Variants in RAPGEF5 observed in about 807,000 individuals in gnomAD.
RAPGEF5 encodes M-Ras-regulated GEF.
Under a neutral mutation model 125.2 loss-of-function variants are expected in RAPGEF5, and 65 were observed. The observed-to-expected ratio is 0.52, with a 90% confidence interval of 0.43 to 0.64. The LOEUF is 0.64. Among genes scored for constraint, RAPGEF5 ranks in the 30% least tolerant of loss-of-function variants. The probability of loss-of-function intolerance (pLI) is 0.00; values close to 1 mark genes in which losing one functional copy is unlikely to be tolerated. For missense variants in RAPGEF5, 958 were observed against 1,048.1 expected, an observed-to-expected ratio of 0.91 and a Z score of 1.19; for synonymous variants, 391 against 385.9, an observed-to-expected ratio of 1.01 and a Z score of -0.16.
intron 11 of RAPGEF5, among the ~76,000 whole-genome samples, chr7:22,189,339 T>G (rs1409819217): frequency 6.6e-6 from 1 of 152,154 alleles, no homozygotes; most frequent in Non-Finnish European, 1.5e-5. Flanking sequence ...CCCCCTGCTT[T>G]GAAACAGAAA....
intron 18 of RAPGEF5, among the ~76,000 whole-genome samples, chr7:22,148,674 C>A (rs931263682): frequency 6.6e-6 from 1 of 152,124 alleles, no homozygotes; most frequent in Non-Finnish European, 1.5e-5. Flanking sequence ...TTTCACAGCA[C>A]CTATTTATTC....
intron 19 of RAPGEF5, among the ~76,000 whole-genome samples, chr7:22,146,238 C>T (rs978661167): frequency 1.2e-4 from 19 of 152,264 alleles, no homozygotes; most frequent in Middle Eastern, 3.4e-3. Flanking sequence ...CACTACATGG[C>T]GAAGCAAATG....
At chr7:22,125,487 G>T in intron 25 of RAPGEF5, 117 bp downstream of exon 25, 1 of 927,348 alleles carries the variant, frequency 1.1e-6, no homozygotes, top group Non-Finnish European at 1.8e-6. Context: ...ATATGCGTAT[G>T]TATATACATA....
At chr7:22,266,139 C>T (rs2128141631) in intron 7 of RAPGEF5, among the ~76,000 whole-genome samples, 1 of 152,288 alleles carries the variant, frequency 6.6e-6, no homozygotes, top group South Asian at 2.1e-4. Flanking sequence ...GTTTGTGTTG[C>T]TGAGACATTT....
chr7:22,286,888 G>C (rs1349963385), intron 6 of RAPGEF5, among the ~76,000 whole-genome samples: 1 of 152,232 alleles, frequency 6.6e-6, no homozygotes, highest in African/African-American at 2.4e-5. Context: ...GGTGGAAACT[G>C]ATGAGCTGTG....
intron 25 of RAPGEF5, among the ~76,000 whole-genome samples, chr7:22,124,168 C>T (rs1318438682): frequency 6.6e-6 from 1 of 152,186 alleles, no homozygotes; most frequent in Non-Finnish European, 1.5e-5. Flanking sequence ...ATAACTATCA[C>T]CTTCCTGTCT....
rs1459859437 is a variant in RAPGEF5 at position 22,308,372 on chromosome 7, G to C, written c.647C>G (p.Pro216Arg). 1 of 1,589,508 alleles carries C rather than the reference G, an allele frequency of 6.3e-7. No individual in the cohort carries two copies. The highest frequency in any genetic ancestry group is 1.2e-5 in the South Asian group (1 of 86,874). ...GATGCCACCTCTGGCAGGAATGAGA[G>C]GCACAAGTTGCAGTAAAAGCTTGAC... The part of the protein sequence containing the change: ...NGVKLLLQLV[P>R]LIPARGGICE... Residue 216 changes from proline to arginine, a missense_variant, in exon 5 of 26, where the codon CCT (proline) becomes CGT (arginine). Pro to Arg is a moderately radical substitution (Grantham distance 103, BLOSUM62 -2). Coordinates refer to ENST00000665637, the MANE Select transcript of RAPGEF5 (RefSeq NM_012294.5).
intron 9 of RAPGEF5, among the ~76,000 whole-genome samples, chr7:22,199,681 G>A (rs1189816484): frequency 1.3e-5 from 2 of 152,100 alleles, no homozygotes; most frequent in Non-Finnish European, 2.9e-5. Context: ...CAGGTAGCTG[G>A]AAGGTCCGAG....
intron 3 of RAPGEF5, chr7:22,314,619 G>C (rs916943105): frequency 2.0e-6 from 2 of 981,996 alleles, no homozygotes; most frequent in Non-Finnish European, 1.2e-6. Flanking sequence ...CTCTTGATGG[G>C]TATTGCACGT....
rs185499982 is a variant in RAPGEF5, at chr7:22,352,167, G to A, written c.231+4663C>T. On this transcript the variant is annotated intron_variant, in intron 1 of 25. Coordinates refer to ENST00000665637, the MANE Select transcript of RAPGEF5 (RefSeq NM_012294.5). ...GACGTTGAAGACAGTGGCAGAGGCT[G>A]CAGAAAACATCACAGCAGCCAAAGC... Among the ~76,000 whole-genome samples the A allele has an allele frequency of 2.9e-3, 435 of 152,324 alleles. 1 individual carries two copies. The highest frequency in any genetic ancestry group is 4.9e-3 in the Non-Finnish European group (332 of 68,038).
chr7:22,167,107 T>A lies in RAPGEF5; in HGVS notation c.1246A>T (p.Met416Leu). Residue 416 changes from methionine to leucine, a missense_variant, in exon 12 of 26, where the codon ATG becomes TTG. Coordinates refer to ENST00000665637, the MANE Select transcript of RAPGEF5 (RefSeq NM_012294.5). ...DDFLLTYTVFMTTDDLCQALL... is the reference protein window; with the variant it reads ...DDFLLTYTVFLTTDDLCQALL... ...GCCTGGCACAAGTCATCAGTTGTCATGAAGACAGTGTACGTGAGAAGGAAG... is the reference window on the plus strand; with the variant it reads ...GCCTGGCACAAGTCATCAGTTGTCAAGAAGACAGTGTACGTGAGAAGGAAG... 6.2e-7 allele frequency: 1 copy of A among 1,613,030 alleles called. No homozygotes were observed. The highest frequency in any genetic ancestry group is 8.5e-7 in the Non-Finnish European group (1 of 1,179,552).
intron 1 of RAPGEF5, among the ~76,000 whole-genome samples, chr7:22,340,823 T>C (rs1784112678): frequency 6.6e-6 from 1 of 152,246 alleles, no homozygotes; most frequent in East Asian, 1.9e-4. Flanking sequence ...CTGGCAGATT[T>C]GGGCTCCTGT....
rs113749730 is a variant in RAPGEF5 at position 22,142,487 on chromosome 7, T to C, written c.2187-2372A>G. 2.3e-4 allele frequency among the ~76,000 whole-genome samples: 35 copies of C among 152,348 alleles called. 1 individual carries two copies. The highest frequency in any genetic ancestry group is 7.9e-4 in the African/African-American group (33 of 41,582). On this transcript the variant is annotated intron_variant, in intron 20 of 25. Coordinates refer to ENST00000665637, the MANE Select transcript of RAPGEF5 (RefSeq NM_012294.5). ...TCATGAACAATTTTCCTGGTCCATA[T>C]AGCTTTCTTTTTTAGTCATATTTTA...
chr7:22,269,167 A>G (rs1782356856), intron 6 of RAPGEF5, among the ~76,000 whole-genome samples: 1 of 149,620 alleles, frequency 6.7e-6, no homozygotes, highest in Admixed American at 6.6e-5. Context: ...ATTGGGAGGG[A>G]AAAAGTTTTT....
At chr7:22,320,617 C>T (rs1177818046) in intron 1 of RAPGEF5, among the ~76,000 whole-genome samples, 1 of 152,192 alleles carries the variant, frequency 6.6e-6, no homozygotes, top group Admixed American at 6.5e-5. Context: ...TATACAATCA[C>T]TCAGCTGTTT....
intron 1 of RAPGEF5, among the ~76,000 whole-genome samples, chr7:22,324,018 G>A (rs1312563812): frequency 1.3e-5 from 2 of 152,128 alleles, no homozygotes; most frequent in African/African-American, 4.8e-5. Context: ...TAGGATATTT[G>A]CATAAGTATC....
intron 9 of RAPGEF5, among the ~76,000 whole-genome samples, chr7:22,204,004 C>A (rs1390548400): frequency 6.6e-6 from 1 of 152,184 alleles, no homozygotes; most frequent in East Asian, 1.9e-4. Flanking sequence ...AGGACAGAAA[C>A]CTACACTAAA....
At chr7:22,161,076 C>T (rs1021573601) in intron 13 of RAPGEF5, among the ~76,000 whole-genome samples, 9 of 151,066 alleles carry the variant, frequency 6.0e-5, no homozygotes, top group African/African-American at 9.7e-5. Context: ...TGCGTGGTAG[C>T]GGGCGCCTGT....
chr7:22,301,405 G>A (rs946016320), intron 5 of RAPGEF5, among the ~76,000 whole-genome samples: 3 of 152,106 alleles, frequency 2.0e-5, no homozygotes, highest in African/African-American at 7.2e-5. Flanking sequence ...CACAAGGTCA[G>A]GAGATCGAGA....
Sources: allele counts gnomAD v4.1 joint callset (sites outside exome capture counted in the v4.1 genomes callset), GRCh38; gene constraint gnomAD v4.1.1; transcripts MANE v1.5; gene names NCBI Gene and HGNC (gene_info 2026-07-23, HGNC 2026-07-21).